The following SPAG16 variants were observed in gnomAD, a reference collection of about 807,000 sequenced individuals.
SPAG16 encodes sperm associated antigen 16.
In SPAG16, 86 loss-of-function variants were observed where a neutral mutation model predicts 80.4. The ratio of observed to expected loss-of-function variants is 1.07; its 90% CI spans 0.90 to 1.28. SPAG16 has a LOEUF of 1.28. SPAG16 is among the 50% of genes most tolerant of loss of function. SPAG16 has a pLI of 0.00. For synonymous variants in SPAG16, 294 were observed against 265.9 expected (o/e 1.11, Z -1.03); for missense variants, 870 against 765.3 (o/e 1.14, Z -1.61).
intron 8 of SPAG16, among the ~76,000 whole-genome samples, chr2:213,366,141 C>CAAAAAAA: frequency 1.2e-5 from 1 of 82,558 alleles, no homozygotes; most frequent in Non-Finnish European, 2.4e-5. Context: ...GACTCCGTCT[C>CAAAAAAA]AAAAAAAAAA....
chr2:214,064,112 A>T (rs2050416517), intron 13 of SPAG16, among the ~76,000 whole-genome samples: 2 of 152,184 alleles, frequency 1.3e-5, no homozygotes, highest in African/African-American at 4.8e-5. Flanking sequence ...TTGTGGAAAC[A>T]TATATCCTTT....
chr2:213,758,205 T>C (rs1333724635), intron 10 of SPAG16: 3 of 153,124 alleles, frequency 2.0e-5, no homozygotes, highest in African/African-American at 7.2e-5. Flanking sequence ...AATCCTCTTA[T>C]GACAATATAA....
intron 10 of SPAG16, among the ~76,000 whole-genome samples, chr2:213,491,467 T>C (rs2074231415): frequency 6.6e-6 from 1 of 152,238 alleles, no homozygotes; most frequent in South Asian, 2.1e-4. Context: ...TCACCATAAC[T>C]AATGTTTATA....
chr2:214,174,829 G>A (rs1480498838), intron 15 of SPAG16, among the ~76,000 whole-genome samples: 2 of 151,682 alleles, frequency 1.3e-5, no homozygotes, highest in Admixed American at 6.6e-5. Flanking sequence ...ACTTTTGCAC[G>A]AATCTAAAAT....
At chr2:213,871,073 C>T (rs6754054) in intron 11 of SPAG16, among the ~76,000 whole-genome samples, 90,370 of 151,992 alleles carry the variant, frequency 0.59, 28,739 homozygotes, top group South Asian at 0.85. Context: ...CACAAACACA[C>T]ACACATACCA....
At chr2:213,286,047 G>C (rs2062044681) in intron 1 of SPAG16, 1 of 559,320 alleles carries the variant, frequency 1.8e-6, no homozygotes, top group South Asian at 1.6e-5. Flanking sequence ...AATGGTAGGA[G>C]TCTAACATAA....
intron 11 of SPAG16, among the ~76,000 whole-genome samples, chr2:213,890,704 G>A (rs994645895): frequency 6.6e-6 from 1 of 151,768 alleles, no homozygotes; most frequent in African/African-American, 2.4e-5. Context: ...TTGTTAATTA[G>A]CTGCCTATTA....
chr2:214,343,607 T>A lies in SPAG16; in HGVS notation c.1721-66533T>A, dbSNP rs531589142. Among the ~76,000 whole-genome samples the A allele has an allele frequency of 7.2e-5, 11 of 152,266 alleles. No individual in the cohort carries two copies. The South Asian group carries it at 8.3e-4, about 11-fold the overall frequency. The stretch of plus-strand genomic sequence containing the variant: ...TTATATGTCAGTAATTACACTATTA[T>A]CCCTAGCAGGTTAGGGAGCTGACAT... On this transcript the variant is annotated intron_variant, in intron 15 of 15. Transcript: ENST00000331683.
intron 10 of SPAG16, among the ~76,000 whole-genome samples, chr2:213,589,515 A>G (rs2060603736): frequency 6.6e-6 from 1 of 152,204 alleles, no homozygotes; most frequent in South Asian, 2.1e-4. Flanking sequence ...GGACTGTGAG[A>G]GTGGCTCTGA....
intron 10 of SPAG16, among the ~76,000 whole-genome samples, chr2:213,701,688 C>T (rs1297994797): frequency 1.3e-5 from 2 of 152,200 alleles, no homozygotes; most frequent in Non-Finnish European, 2.9e-5. Context: ...TAGCTGGGCT[C>T]CTGAGTCGGG....
At chr2:213,447,922 G>A (rs538172503) in intron 9 of SPAG16, among the ~76,000 whole-genome samples, 2 of 152,332 alleles carry the variant, frequency 1.3e-5, no homozygotes, top group African/African-American at 4.8e-5. Context: ...TTAATGAAGT[G>A]TTAAAACAAA....
chr2:213,603,237 T>C (rs1485451683), intron 10 of SPAG16, among the ~76,000 whole-genome samples: 1 of 152,240 alleles, frequency 6.6e-6, no homozygotes, highest in Non-Finnish European at 1.5e-5. Context: ...GTCTGTATTT[T>C]CTACTTTCTG....
intron 13 of SPAG16, among the ~76,000 whole-genome samples, chr2:214,079,915 C>T (rs564325704): frequency 7.2e-5 from 11 of 152,020 alleles, no homozygotes; most frequent in African/African-American, 2.7e-4. Context: ...AAATAGAAGC[C>T]AAATAGGGTA....
In SPAG16 at chr2:213,292,162, C is replaced by G. The variant is rs557720672; in HGVS notation, c.137-3902C>G. 1.7e-4 allele frequency among the ~76,000 whole-genome samples: 26 copies of G among 152,252 alleles called. 1 individual carries two copies. Among genetic ancestry groups the G allele is most frequent in the African/African-American group, 6.3e-4 (26 of 41,546 alleles). On this transcript the variant is annotated intron_variant, in intron 1 of 15. Coordinates refer to ENST00000331683, the MANE Select transcript of SPAG16 (RefSeq NM_024532.5). ...GTTGGCTTATTTACAACTTTAAAGT[C>G]TATCCAGAAGCTTTTAGAGTATTTA...
At chr2:214,061,485 G>C (rs2050253907) in intron 13 of SPAG16, among the ~76,000 whole-genome samples, 1 of 152,180 alleles carries the variant, frequency 6.6e-6, no homozygotes, top group Non-Finnish European at 1.5e-5. Context: ...AGACCAGTAG[G>C]CTGGAGACTC....
At chr2:214,022,778 C>T (rs2047942325) in intron 13 of SPAG16, among the ~76,000 whole-genome samples, 1 of 152,018 alleles carries the variant, frequency 6.6e-6, no homozygotes, top group African/African-American at 2.4e-5. Flanking sequence ...TCATGTTCTT[C>T]AGATATACCC....
intron 10 of SPAG16, among the ~76,000 whole-genome samples, chr2:213,613,147 C>T (rs2061491680): frequency 6.6e-6 from 1 of 152,102 alleles, no homozygotes; most frequent in South Asian, 2.1e-4. Flanking sequence ...TCCATATCAC[C>T]TAGATTATTA....
chr2:213,466,284 CCTGA>C (rs1405818820), intron 9 of SPAG16, among the ~76,000 whole-genome samples: 3 of 152,246 alleles, frequency 2.0e-5, no homozygotes, highest in African/African-American at 7.2e-5. Flanking sequence ...TCTAGAGAAC[CCTGA>C]CTAATACACC....
intron 10 of SPAG16, among the ~76,000 whole-genome samples, chr2:213,536,246 T>C (rs554726835): frequency 2.0e-5 from 3 of 152,284 alleles, no homozygotes; most frequent in East Asian, 3.9e-4. Context: ...ATATGAAATT[T>C]CGTTTTTACT....
Sources: gnomAD v4.1 joint callset for allele counts (sites outside exome capture counted in the v4.1 genomes callset) on GRCh38, gnomAD v4.1.1 for gene constraint, MANE v1.5 for transcripts, NCBI Gene and HGNC (gene_info 2026-07-23, HGNC 2026-07-21) for gene names.